RBM20: variants seen among roughly 807,000 people sequenced by gnomAD.
The protein encoded by RBM20 is RNA-binding protein 20.
RBM20 carries 51 observed loss-of-function variants against 110.1 expected under a neutral mutation model. That is an observed-to-expected ratio of 0.46 (90% CI 0.37 to 0.59). RBM20 has a LOEUF of 0.59. Ranked by LOEUF, RBM20 falls within the 20% of genes least tolerant of loss-of-function variation. The probability of loss-of-function intolerance (pLI) is 0.00; values close to 1 mark genes in which losing one functional copy is unlikely to be tolerated. For synonymous variants in RBM20, 589 were observed against 618.2 expected (o/e 0.95, Z 0.70); for missense variants, 1,512 against 1,574.9 (o/e 0.96, Z 0.68).
chr10:110,765,192 T>C (rs1203564176), intron 1 of RBM20, among the ~76,000 whole-genome samples: 1 of 152,100 alleles, frequency 6.6e-6, no homozygotes, highest in Non-Finnish European at 1.5e-5. Context: ...TCTGGGAGAA[T>C]GGAAGGGGAT....
At chr10:110,696,303 G>T (rs1862662713) in intron 1 of RBM20, among the ~76,000 whole-genome samples, 2 of 152,270 alleles carry the variant, frequency 1.3e-5, no homozygotes, top group South Asian at 4.1e-4. Context: ...TCTTACCCAG[G>T]ACTCAGCTAG....
chr10:110,747,441 G>A (rs1009827180), intron 1 of RBM20, among the ~76,000 whole-genome samples: 1 of 152,156 alleles, frequency 6.6e-6, no homozygotes, highest in African/African-American at 2.4e-5. Flanking sequence ...CAAGGATGGG[G>A]AGAGACAGTC....
chr10:110,730,246 G>A (rs548182986), intron 1 of RBM20, among the ~76,000 whole-genome samples: 1 of 152,372 alleles, frequency 6.6e-6, no homozygotes, highest in African/African-American at 2.4e-5. Flanking sequence ...ACACATTCAA[G>A]ATGGTTTCCT....
intron 1 of RBM20, among the ~76,000 whole-genome samples, chr10:110,752,429 A>G (rs1843865405): frequency 6.6e-6 from 1 of 152,140 alleles, no homozygotes; most frequent in Non-Finnish European, 1.5e-5. Context: ...ATTACAGTTT[A>G]TTTAGCCATT....
intron 1 of RBM20, among the ~76,000 whole-genome samples, chr10:110,774,840 G>C (rs1013970370): frequency 6.6e-6 from 1 of 152,050 alleles, no homozygotes; most frequent in Admixed American, 6.6e-5. Context: ...TTTGTAACCT[G>C]ACATTCAGGA....
chr10:110,720,026 A>C (rs901512960), intron 1 of RBM20, among the ~76,000 whole-genome samples: 4 of 151,660 alleles, frequency 2.6e-5, no homozygotes, highest in Admixed American at 1.3e-4. Flanking sequence ...CTCCTATGGC[A>C]AGAGGGGTGA....
At chr10:110,730,473 G>A (rs992864279) in intron 1 of RBM20, among the ~76,000 whole-genome samples, 9 of 152,124 alleles carry the variant, frequency 5.9e-5, no homozygotes, top group African/African-American at 1.9e-4. Context: ...CTTCAGTCCC[G>A]AGGACTCCTC....
intron 1 of RBM20, among the ~76,000 whole-genome samples, chr10:110,732,162 C>G (rs1843626216): frequency 6.6e-6 from 1 of 152,066 alleles, no homozygotes; most frequent in Non-Finnish European, 1.5e-5. Flanking sequence ...TACATAGCAT[C>G]CTTCAATATT....
At chr10:110,650,500 A>AG (rs1198376839) in intron 1 of RBM20, among the ~76,000 whole-genome samples, 1 of 152,192 alleles carries the variant, frequency 6.6e-6, no homozygotes. Flanking sequence ...AACAAAAGGC[A>AG]GGGGGGTCAT....
intron 5 of RBM20, among the ~76,000 whole-genome samples, chr10:110,789,105 T>C (rs1703562407): frequency 6.6e-6 from 1 of 152,242 alleles, no homozygotes; most frequent in Admixed American, 6.5e-5. Flanking sequence ...CACTTTTTTT[T>C]GAGTAAAACC....
At chr10:110,660,539 C>T (rs757369930) in intron 1 of RBM20, among the ~76,000 whole-genome samples, 6 of 152,310 alleles carry the variant, frequency 3.9e-5, no homozygotes, top group Admixed American at 1.3e-4. Flanking sequence ...CTCCATCACT[C>T]GCATTACTGC....
intron 5 of RBM20, among the ~76,000 whole-genome samples, chr10:110,790,033 C>T (rs1215158871): frequency 6.6e-6 from 1 of 152,138 alleles, no homozygotes; most frequent in African/African-American, 2.4e-5. Flanking sequence ...GCCACCCTGA[C>T]CTGGGATGAT....
At chr10:110,708,510 A>G (rs1862875350) in intron 1 of RBM20, among the ~76,000 whole-genome samples, 1 of 152,110 alleles carries the variant, frequency 6.6e-6, no homozygotes, top group Non-Finnish European at 1.5e-5. Context: ...GCTAAATCCC[A>G]CTTATTTACT....
chr10:110,764,985 C>G (rs539890426), intron 1 of RBM20, among the ~76,000 whole-genome samples: 1 of 152,102 alleles, frequency 6.6e-6, no homozygotes, highest in Non-Finnish European at 1.5e-5. Flanking sequence ...GTCCCCACCC[C>G]CTCCGTTTTA....
intron 1 of RBM20, among the ~76,000 whole-genome samples, chr10:110,669,493 T>G (rs1027926344): frequency 2.6e-5 from 4 of 152,242 alleles, no homozygotes; most frequent in African/African-American, 9.6e-5. Flanking sequence ...CGTGATTGTA[T>G]GTGCCTTTCA....
intron 1 of RBM20, among the ~76,000 whole-genome samples, chr10:110,741,732 C>G (rs1228820377): frequency 6.6e-6 from 1 of 151,728 alleles, no homozygotes; most frequent in East Asian, 1.9e-4. Context: ...CCCCCCATCA[C>G]CTGGCTTTGT....
Position 110,797,469 on chromosome 10 carries a change from C to T in RBM20, c.1528-39C>T, listed in dbSNP as rs538808219. 2.2e-5 allele frequency: 32 copies of T among 1,482,106 alleles called. No homozygotes were observed. In the East Asian group the frequency reaches 7.2e-4, roughly 33 times the overall value. The allele number at this position is 1,482,106 out of a possible 1,614,324, so 91.8% of individuals were successfully genotyped here. A position where few individuals can be genotyped will look rare whatever the true frequency, so the allele number is the denominator to read the frequency against. On this transcript the variant is annotated intron_variant, in intron 5 of 13. Coordinates refer to ENST00000369519, the MANE Select transcript of RBM20 (RefSeq NM_001134363.3). ...TCTGGAAGAGAGGGGAAAAGGGAACCGTCTTCTGAATACCACTAATGATCT... is the reference window on the plus strand; with the variant it reads ...TCTGGAAGAGAGGGGAAAAGGGAACTGTCTTCTGAATACCACTAATGATCT...
At chr10:110,728,707 A>T (rs1236574970) in intron 1 of RBM20, among the ~76,000 whole-genome samples, 1 of 152,170 alleles carries the variant, frequency 6.6e-6, no homozygotes, top group Non-Finnish European at 1.5e-5. Flanking sequence ...TGCTTGTATT[A>T]AGCCTCACAA....
intron 8 of RBM20, among the ~76,000 whole-genome samples, chr10:110,811,828 G>A (rs1844771055): frequency 6.6e-6 from 1 of 152,154 alleles, no homozygotes; most frequent in Admixed American, 6.5e-5. Flanking sequence ...TTCAAGTCTT[G>A]TAGCTAAGAG....
Sources: gnomAD v4.1 joint callset for allele counts (sites outside exome capture counted in the v4.1 genomes callset) on GRCh38, gnomAD v4.1.1 for gene constraint, MANE v1.5 for transcripts, NCBI Gene and HGNC (gene_info 2026-07-23, HGNC 2026-07-21) for gene names.